Variants in PCDHA1 observed in about 807,000 individuals in gnomAD.
The protein encoded by PCDHA1 is protocadherin alpha-1.
PCDHA1 carries 42 observed loss-of-function variants against 61.3 expected under a neutral mutation model. That is an observed-to-expected ratio of 0.69 (90% CI 0.54 to 0.89). PCDHA1 has a LOEUF of 0.89. Among genes scored for constraint, PCDHA1 ranks in the 40% least tolerant of loss-of-function variants. The pLI, the probability that PCDHA1 is intolerant of heterozygous loss-of-function variation, is 0.00. For synonymous variants in PCDHA1, 610 were observed against 553.8 expected (o/e 1.10, Z -1.43); for missense variants, 1,256 against 1,235.3 (o/e 1.02, Z -0.25).
chr5:140,862,343 A>G (rs1347322739), intron 1 of PCDHA1: 1 of 331,934 alleles, frequency 3.0e-6, no homozygotes, highest in Non-Finnish European at 5.9e-6. Flanking sequence ...CCCTAACTTC[A>G]GTGCCAAGGG....
chr5:140,841,892 C>A (rs2150324917), intron 1 of PCDHA1: 1 of 1,613,788 alleles, frequency 6.2e-7, no homozygotes, highest in Non-Finnish European at 8.5e-7. Context: ...TGAGAATAAA[C>A]TGGTTGAGCT....
intron 1 of PCDHA1, chr5:140,797,421 T>C (rs868931312): frequency 6.8e-7 from 1 of 1,474,602 alleles, no homozygotes. Flanking sequence ...TGATTTCTAC[T>C]AGTTATTTAG....
At chr5:140,954,844 C>T (rs1195160424) in intron 1 of PCDHA1, among the ~76,000 whole-genome samples, 1 of 152,070 alleles carries the variant, frequency 6.6e-6, no homozygotes, top group African/African-American at 2.4e-5. Flanking sequence ...GAAATCTTTG[C>T]CTGTGCCTAT....
chr5:140,993,267 T>C (rs1554253547), intron 3 of PCDHA1, among the ~76,000 whole-genome samples: 1 of 152,166 alleles, frequency 6.6e-6, no homozygotes, highest in Non-Finnish European at 1.5e-5. Context: ...ATTAGCTTCT[T>C]TGGTCTTTTC....
At chr5:140,829,843 A>C in intron 1 of PCDHA1, 1 of 1,613,926 alleles carries the variant, frequency 6.2e-7, no homozygotes, top group Non-Finnish European at 8.5e-7. Flanking sequence ...TGCCGCGGTC[A>C]CTGGGTGCAG....
intron 1 of PCDHA1, among the ~76,000 whole-genome samples, chr5:140,937,364 T>C (rs1471697724): frequency 6.6e-6 from 1 of 152,150 alleles, no homozygotes; most frequent in African/African-American, 2.4e-5. Flanking sequence ...TATTTTATCT[T>C]AATGTTTATG....
chr5:140,976,023 A>C (rs907977893), intron 1 of PCDHA1, among the ~76,000 whole-genome samples: 1 of 152,206 alleles, frequency 6.6e-6, no homozygotes, highest in Non-Finnish European at 1.5e-5. Flanking sequence ...AAATAATCAC[A>C]GTTATTTCAA....
intron 1 of PCDHA1, among the ~76,000 whole-genome samples, chr5:140,953,840 G>C (rs1429646408): frequency 6.6e-6 from 1 of 152,072 alleles, no homozygotes; most frequent in African/African-American, 2.4e-5. Flanking sequence ...TTGTTACCCA[G>C]GTAAACATGT....
rs2150447816 is a variant in PCDHA1 at position 140,849,745 on chromosome 5, G to A, written c.2394+61061G>A. On this transcript the variant is annotated intron_variant, in intron 1 of 3. Coordinates refer to ENST00000504120, the MANE Select transcript of PCDHA1 (RefSeq NM_018900.4). Reference sequence around the variant, plus strand: ...CTGGACAGAGCTCTGGACCGCGAGAGTGTGTCCGCCTACGAGCTGGTGGTT... The same window carrying A: ...CTGGACAGAGCTCTGGACCGCGAGAATGTGTCCGCCTACGAGCTGGTGGTT... 2.6e-5 allele frequency: 41 copies of A among 1,598,346 alleles called. 3 individuals are homozygous for A. Among genetic ancestry groups the A allele is most frequent in the African/African-American group, 4.0e-5 (3 of 74,350 alleles).
intron 1 of PCDHA1, among the ~76,000 whole-genome samples, chr5:140,886,264 A>T (rs1471846282): frequency 3.3e-5 from 5 of 151,982 alleles, no homozygotes; most frequent in Admixed American, 3.3e-4. Flanking sequence ...CTATTTATAG[A>T]TAAAATTTTT....
intron 1 of PCDHA1, chr5:140,968,357 C>T: frequency 6.2e-7 from 1 of 1,614,080 alleles, no homozygotes; most frequent in Non-Finnish European, 8.5e-7. Context: ...CAGTGGCAGC[C>T]TTTATGCTGT....
At chr5:140,925,641 T>TATAATAATAATAATA (rs10569930) in intron 1 of PCDHA1, among the ~76,000 whole-genome samples, 21 of 143,352 alleles carry the variant, frequency 1.5e-4, no homozygotes, top group East Asian at 6.1e-4. Context: ...GAACTTAAAG[T>TATAATAATAATAATA]ATAATAATAA....
chr5:140,916,717 T>C (rs781839792), intron 1 of PCDHA1, among the ~76,000 whole-genome samples: 1 of 151,908 alleles, frequency 6.6e-6, no homozygotes, highest in South Asian at 2.1e-4. Flanking sequence ...AAGGAAGGAG[T>C]GACTTTTGTT....
chr5:140,801,920 G>A (rs562105499), intron 1 of PCDHA1: 1 of 1,614,182 alleles, frequency 6.2e-7, no homozygotes, highest in South Asian at 1.1e-5. Context: ...ACGCCCCAGC[G>A]TTTGAGAGGA....
Position 140,852,435 on chromosome 5 carries a change from G to A in PCDHA1, c.2394+63751G>A, listed in dbSNP as rs2150516888. ...TGGGATTATAGGCACATGCCACCGC[G>A]CCCAGCTAATTTTTGTATTTTTAGT... On this transcript the variant is annotated intron_variant, in intron 1 of 3. Coordinates refer to ENST00000504120, the MANE Select transcript of PCDHA1 (RefSeq NM_018900.4). 3.0e-4 allele frequency: 55 copies of A among 181,308 alleles called. 4 individuals carry two copies. Among genetic ancestry groups the A allele is most frequent in the African/African-American group, 1.1e-3 (44 of 41,148 alleles). 11.2% of individuals were successfully genotyped at this position (181,308 alleles called of 1,614,324 possible).
intron 1 of PCDHA1, chr5:140,851,686 TGA>T: frequency 1.1e-6 from 1 of 926,568 alleles, no homozygotes; most frequent in Non-Finnish European, 1.3e-6. Context: ...CTCCATTCAG[TGA>T]TAAAATGATC....
intron 1 of PCDHA1, among the ~76,000 whole-genome samples, chr5:140,838,280 A>ATTTT (rs34299325): frequency 0.022 from 3,084 of 139,540 alleles, 138 homozygotes; most frequent in African/African-American, 0.08. Context: ...AGCCATGCTA[A>ATTTT]TTTTTTTTTT....
intron 1 of PCDHA1, chr5:140,808,955 G>T (rs1369862214): frequency 1.9e-6 from 3 of 1,613,470 alleles, no homozygotes; most frequent in Admixed American, 1.7e-5. Context: ...TGTGGGCCAC[G>T]TGGTGGCAAA....
In PCDHA1 at chr5:140,787,758, G is replaced by T; in HGVS notation, c.1468G>T (p.Val490Leu). The T allele has an allele frequency of 1.9e-6, 3 of 1,613,308 alleles. No homozygotes were observed. The highest frequency in any genetic ancestry group is 2.5e-6 in the Non-Finnish European group (3 of 1,179,840). ...CGCGGACGCGCAGGAGAACGCGCTG[G>T]TGTCCTATTCGCTGGTGGAACGGCG... ...RDADAQENAL[V>L]SYSLVERRVG... The change falls in exon 1 of 4, where the codon GTG becomes TTG. Residue 490 changes from valine to leucine, a missense_variant. Coordinates refer to ENST00000504120, the MANE Select transcript of PCDHA1 (RefSeq NM_018900.4).
Sources: gnomAD v4.1 joint callset for allele counts (sites outside exome capture counted in the v4.1 genomes callset) on GRCh38, gnomAD v4.1.1 for gene constraint, MANE v1.5 for transcripts, NCBI Gene and HGNC (gene_info 2026-07-23, HGNC 2026-07-21) for gene names.